SLC4A5: variants seen among roughly 807,000 people sequenced by gnomAD.
SLC4A5 encodes the protein electrogenic sodium bicarbonate cotransporter 4.
In SLC4A5, 96 loss-of-function variants were observed where a neutral mutation model predicts 120.4. The ratio of observed to expected loss-of-function variants is 0.80; its 90% CI spans 0.68 to 0.94. The LOEUF is 0.94. Ranked by LOEUF, SLC4A5 falls within the 40% of genes least tolerant of loss-of-function variation. The pLI is 0.00. For missense variants in SLC4A5, 1,259 were observed against 1,459.5 expected, an observed-to-expected ratio of 0.86 and a Z score of 2.24; for synonymous variants, 550 against 571.1, an observed-to-expected ratio of 0.96 and a Z score of 0.53.
At chr2:74,342,210 T>C (rs930890259) in intron 2 of SLC4A5, among the ~76,000 whole-genome samples, 1 of 152,242 alleles carries the variant, frequency 6.6e-6, no homozygotes, top group African/African-American at 2.4e-5. Context: ...CTGTTTCTTG[T>C]GACATCCTTT....
chr2:74,313,683 T>A (rs1348840396), intron 6 of SLC4A5, among the ~76,000 whole-genome samples: 1 of 152,316 alleles, frequency 6.6e-6, no homozygotes, highest in Non-Finnish European at 1.5e-5. Flanking sequence ...CCCCACATCA[T>A]GGTGGAACTT....
chr2:74,321,826 TA>T (rs1673106534), intron 5 of SLC4A5, among the ~76,000 whole-genome samples: 1 of 151,860 alleles, frequency 6.6e-6, no homozygotes, highest in Non-Finnish European at 1.5e-5. Context: ...AGCTGGGATC[TA>T]TATAAACCAT....
intron 6 of SLC4A5, among the ~76,000 whole-genome samples, chr2:74,309,340 T>C (rs1397267251): frequency 6.6e-6 from 1 of 152,194 alleles, no homozygotes; most frequent in Non-Finnish European, 1.5e-5. Context: ...CTGATTATAT[T>C]TGTGTGGGTC....
At chr2:74,252,923 A>G (rs773539994) in intron 15 of SLC4A5, 51 bp downstream of exon 15, 4 of 1,594,770 alleles carry the variant, frequency 2.5e-6, no homozygotes, top group Admixed American at 3.4e-5. Flanking sequence ...AATGATACCG[A>G]CAGAGTTGAA....
At position 74,262,264 on chromosome 2, in the gene SLC4A5, G is replaced by A. The variant is rs371119346; in HGVS notation, c.716-32C>T. Reference sequence around the variant, plus strand: ...GGAGAATCAGAAGGGACTTGGCTTCGACAGCCTTGCTGGTGTAGCGAAGCC... The same window carrying A: ...GGAGAATCAGAAGGGACTTGGCTTCAACAGCCTTGCTGGTGTAGCGAAGCC... On this transcript the variant is annotated intron_variant, in intron 10 of 30. Coordinates refer to ENST00000394019, the Ensembl canonical transcript of SLC4A5. 1.7e-4 allele frequency: 275 copies of A among 1,599,626 alleles called. No individual in the cohort carries two copies. The South Asian group carries it at 2.0e-3, about 12-fold the overall frequency.
At chr2:74,226,828 C>T (rs1470192178) in intron 27 of SLC4A5, 129 bp downstream of exon 27, 11 of 1,082,694 alleles carry the variant, frequency 1.0e-5, no homozygotes, top group East Asian at 7.2e-5. Context: ...TGCCAGCCTC[C>T]GTGACCCGAG....
intron 7 of SLC4A5, among the ~76,000 whole-genome samples, chr2:74,288,230 A>G (rs1672046408): frequency 6.6e-6 from 1 of 152,100 alleles, no homozygotes; most frequent in Non-Finnish European, 1.5e-5. Flanking sequence ...GCAACAATCC[A>G]TGAGAGTTGA....
rs536918119 is a variant in SLC4A5 at position 74,319,954 on chromosome 2, G to A, written c.-2-4929C>T. On this transcript the variant is annotated intron_variant, in intron 5 of 30. Coordinates refer to ENST00000394019, the Ensembl canonical transcript of SLC4A5. ...CAAGAAAAGACATTGTATTCATGAC[G>A]ACAAGAAAAGCAGAATGCTATAAAC... Among the ~76,000 whole-genome samples the A allele has an allele frequency of 4.6e-5, 7 of 152,220 alleles. No homozygotes were observed. In the South Asian group the frequency reaches 1.0e-3, roughly 23 times the overall value.
At chr2:74,252,577 T>C (rs1278169346) in intron 15 of SLC4A5, among the ~76,000 whole-genome samples, 189 bp from the exon 16 acceptor site, 3 of 152,234 alleles carry the variant, frequency 2.0e-5, no homozygotes, top group Non-Finnish European at 2.9e-5. Context: ...TATCTTATTA[T>C]TTTTAAACTT....
At chr2:74,239,618 G>T in intron 20 of SLC4A5, 83 bp from the exon 21 acceptor site, 1 of 1,390,312 alleles carries the variant, frequency 7.2e-7, no homozygotes, top group Non-Finnish European at 1.0e-6. Flanking sequence ...TCCCCAGGCA[G>T]CCAGCATACC....
intron 19 of SLC4A5, 45 bp downstream of exon 19, chr2:74,246,991 G>A: frequency 1.2e-6 from 2 of 1,600,112 alleles, no homozygotes. Flanking sequence ...CAGGGGGCCG[G>A]TGGGGTAGGT....
chr2:74,257,178 G>T (rs977106826), intron 12 of SLC4A5, among the ~76,000 whole-genome samples: 3 of 152,032 alleles, frequency 2.0e-5, no homozygotes, highest in African/African-American at 7.3e-5. Flanking sequence ...TGGGCTGGGT[G>T]GCCTACCAGC....
intron 5 of SLC4A5, among the ~76,000 whole-genome samples, chr2:74,323,313 T>G (rs959552099): frequency 6.6e-6 from 1 of 152,132 alleles, no homozygotes; most frequent in African/African-American, 2.4e-5. Context: ...CCTAACATTC[T>G]CCACCCAGCC....
chr2:74,283,826 CA>C (rs1293063433), intron 8 of SLC4A5, among the ~76,000 whole-genome samples: 2 of 150,686 alleles, frequency 1.3e-5, no homozygotes, highest in African/African-American at 4.9e-5. Context: ...CTCGACCTGA[CA>C]AATCTTATTC....
rs773848990 is a variant in SLC4A5, at chr2:74,255,666, C to T, written c.1025+109G>A. The T allele has an allele frequency of 5.8e-5, 75 of 1,292,870 alleles. 1 individual carries two copies. The highest frequency in any genetic ancestry group is 6.9e-5 in the Non-Finnish European group (64 of 933,494). 80.1% of individuals were successfully genotyped at this position (1,292,870 alleles called of 1,614,324 possible). A position where few individuals can be genotyped will look rare whatever the true frequency, so the allele number is the denominator to read the frequency against. On this transcript the variant is annotated intron_variant, in intron 13 of 30. Transcript: ENST00000394019. The surrounding 1 kb of genome is among the most constrained non-coding windows in gnomAD (Gnocchi z 4.0). ...AGATTTCCCTTCCCAGCAGCCTCCA[C>T]GTTTAGAGGTGCCTTTGAGAACACT...
At chr2:74,258,626 G>C (rs1671041732) in intron 12 of SLC4A5, among the ~76,000 whole-genome samples, 1 of 152,196 alleles carries the variant, frequency 6.6e-6, no homozygotes, top group African/African-American at 2.4e-5. Flanking sequence ...TCTTTCAGCT[G>C]TATAGACTTT....
At chr2:74,250,024 C>T (rs1349159309) in intron 17 of SLC4A5, among the ~76,000 whole-genome samples, 1 of 152,136 alleles carries the variant, frequency 6.6e-6, no homozygotes, top group Non-Finnish European at 1.5e-5. Flanking sequence ...AATTAGCACT[C>T]CATTAATTGT....
At chr2:74,340,768 G>A (rs1303328370) in intron 2 of SLC4A5, among the ~76,000 whole-genome samples, 1 of 152,136 alleles carries the variant, frequency 6.6e-6, no homozygotes, top group African/African-American at 2.4e-5. Flanking sequence ...ACCCTGGTTA[G>A]CTAAATAAGT....
intron 7 of SLC4A5, among the ~76,000 whole-genome samples, chr2:74,294,444 T>G (rs1254787183): frequency 6.6e-6 from 1 of 152,188 alleles, no homozygotes; most frequent in African/African-American, 2.4e-5. Context: ...AGTCTTCAAT[T>G]TGCATGTTGT....
Sources: allele counts gnomAD v4.1 joint callset (sites outside exome capture counted in the v4.1 genomes callset), GRCh38; gene constraint gnomAD v4.1.1; non-coding constraint Gnocchi (gnomAD v3.1); transcripts MANE v1.5; gene names NCBI Gene and HGNC (gene_info 2026-07-23, HGNC 2026-07-21).